The following RIMS2 variants were observed in gnomAD, a reference collection of about 807,000 sequenced individuals.
RIMS2 encodes regulating synaptic membrane exocytosis protein 2.
A neutral mutation model predicts 174.4 loss-of-function variants in RIMS2; 59 were observed. The observed-to-expected ratio is 0.34, with a 90% CI of 0.27 to 0.42. The LOEUF is 0.42. Among genes scored for constraint, RIMS2 ranks in the 10% least tolerant of loss-of-function variants. The probability of loss-of-function intolerance (pLI) is 1.00; values close to 1 mark genes in which losing one functional copy is unlikely to be tolerated. For synonymous variants in RIMS2, 606 were observed against 572.5 expected, an observed-to-expected ratio of 1.06 and a Z score of -0.84; for missense variants, 1,620 against 1,666.3, an observed-to-expected ratio of 0.97 and a Z score of 0.48.
chr8:103,812,393 A>G (rs1289589437), intron 3 of RIMS2, among the ~76,000 whole-genome samples: 2 of 127,716 alleles, frequency 1.6e-5, no homozygotes, highest in Non-Finnish European at 3.1e-5. Context: ...CTTGTCCCCC[A>G]GGCTTGAGTG....
intron 17 of RIMS2, among the ~76,000 whole-genome samples, chr8:103,994,923 A>G (rs2023026): frequency 0.14 from 21,295 of 151,886 alleles, 1,679 homozygotes; most frequent in Non-Finnish European, 0.17. Context: ...GATTTTATAT[A>G]TATATTTTAT....
At chr8:103,583,149 C>T (rs2093709146) in intron 1 of RIMS2, among the ~76,000 whole-genome samples, 2 of 152,192 alleles carry the variant, frequency 1.3e-5, no homozygotes, top group Non-Finnish European at 1.5e-5. Flanking sequence ...GCTTGATAAT[C>T]CAGAGAATTC....
intron 19 of RIMS2, among the ~76,000 whole-genome samples, chr8:104,028,174 G>A (rs1307469704): frequency 6.6e-6 from 1 of 150,498 alleles, no homozygotes; most frequent in East Asian, 1.9e-4. Flanking sequence ...TGTCCAGGCT[G>A]GTCTCAAACT....
At chr8:104,045,209 T>G (rs2096672489) in intron 19 of RIMS2, among the ~76,000 whole-genome samples, 1 of 151,882 alleles carries the variant, frequency 6.6e-6, no homozygotes, top group Non-Finnish European at 1.5e-5. Flanking sequence ...GTATGTTTTA[T>G]GTTTAAACCA....
At chr8:103,991,328 A>G (rs1466250131) in intron 17 of RIMS2, among the ~76,000 whole-genome samples, 1 of 151,636 alleles carries the variant, frequency 6.6e-6, no homozygotes, top group African/African-American at 2.4e-5. Flanking sequence ...ATAAAATAGA[A>G]TTTTATTTAA....
At chr8:104,172,733 A>G (rs1252122705) in intron 19 of RIMS2, among the ~76,000 whole-genome samples, 2 of 152,226 alleles carry the variant, frequency 1.3e-5, no homozygotes, top group Non-Finnish European at 2.9e-5. Context: ...TTTGTGTTGG[A>G]GCATAAATGG....
chr8:103,551,256 C>G (rs1001773500), intron 1 of RIMS2, among the ~76,000 whole-genome samples: 2 of 152,200 alleles, frequency 1.3e-5, no homozygotes, highest in African/African-American at 2.4e-5. Context: ...CCACCACGAT[C>G]AAGTGGGCTT....
chr8:103,587,445 AAAG>A (rs995581848), intron 1 of RIMS2, among the ~76,000 whole-genome samples: 1 of 125,548 alleles, frequency 8.0e-6, no homozygotes, highest in Admixed American at 7.5e-5. Context: ...AGAAAGAAAG[AAAG>A]AAAGAAAGAA....
chr8:103,795,384 GA>G (rs1217224210), intron 3 of RIMS2, among the ~76,000 whole-genome samples: 2 of 148,622 alleles, frequency 1.3e-5, no homozygotes, highest in African/African-American at 5.0e-5. Flanking sequence ...AATGAGCAAT[GA>G]GAACACCTGG....
intron 3 of RIMS2, among the ~76,000 whole-genome samples, chr8:103,839,238 T>C (rs1486470659): frequency 1.3e-5 from 2 of 152,232 alleles, no homozygotes; most frequent in African/African-American, 4.8e-5. Context: ...GACTTTTTGT[T>C]CTCATTGTTA....
chr8:103,770,528 A>AT (rs1377674661), intron 3 of RIMS2, among the ~76,000 whole-genome samples: 1 of 152,106 alleles, frequency 6.6e-6, no homozygotes, highest in Admixed American at 6.6e-5. Flanking sequence ...GTGAGCCAAG[A>AT]TCGTGCCATT....
chr8:104,238,718 A>T (rs1166554096), intron 19 of RIMS2, among the ~76,000 whole-genome samples: 1 of 152,156 alleles, frequency 6.6e-6, no homozygotes, highest in African/African-American at 2.4e-5. Flanking sequence ...AACTACATAG[A>T]TATACTGGAT....
At chr8:103,718,813 G>T (rs940635060) in intron 2 of RIMS2, among the ~76,000 whole-genome samples, 5 of 151,940 alleles carry the variant, frequency 3.3e-5, no homozygotes, top group Admixed American at 2.6e-4. Context: ...GATTACAGGC[G>T]CCTGCCACCA....
intron 1 of RIMS2, among the ~76,000 whole-genome samples, chr8:103,590,006 TCTA>T (rs1366330408): frequency 2.0e-5 from 3 of 151,326 alleles, no homozygotes; most frequent in Middle Eastern, 3.4e-3. Context: ...ATGAATAAGA[TCTA>T]CTATTTTATG....
chr8:104,190,443 G>C (rs905595502), intron 19 of RIMS2, among the ~76,000 whole-genome samples: 2 of 152,080 alleles, frequency 1.3e-5, no homozygotes, highest in Non-Finnish European at 2.9e-5. Flanking sequence ...CAAAGGTCTA[G>C]TTCTACGCTT....
At chr8:103,585,371 C>T (rs903726220) in intron 1 of RIMS2, among the ~76,000 whole-genome samples, 59 of 151,884 alleles carry the variant, frequency 3.9e-4, no homozygotes, top group African/African-American at 1.4e-3. Context: ...ACCCAGCAAT[C>T]CCATTACTGG....
At chr8:103,779,670 G>A (rs113474236) in intron 3 of RIMS2, among the ~76,000 whole-genome samples, 25,743 of 147,044 alleles carry the variant, frequency 0.18, 2,516 homozygotes, top group African/African-American at 0.27. Flanking sequence ...ACCAAACACC[G>A]CATGTTCTCA....
chr8:104,128,611 C>T (rs1344313192), intron 19 of RIMS2, among the ~76,000 whole-genome samples: 3 of 152,096 alleles, frequency 2.0e-5, no homozygotes, highest in Non-Finnish European at 4.4e-5. Flanking sequence ...GCAGGAGAAT[C>T]GCTTGAACCT....
intron 1 of RIMS2, among the ~76,000 whole-genome samples, chr8:103,611,778 T>C (rs1390401487): frequency 6.6e-6 from 1 of 152,124 alleles, no homozygotes; most frequent in African/African-American, 2.4e-5. Context: ...ATCTGCTTGG[T>C]GTTCTATAGC....
Sources: allele counts gnomAD v4.1 joint callset (sites outside exome capture counted in the v4.1 genomes callset), GRCh38; gene constraint gnomAD v4.1.1; transcripts MANE v1.5; gene names NCBI Gene and HGNC (gene_info 2026-07-23, HGNC 2026-07-21).